The following CSMD1 variants were observed in gnomAD, a reference collection of about 807,000 sequenced individuals.
CSMD1 encodes CUB and sushi domain-containing protein 1.
A neutral mutation model predicts 417.5 loss-of-function variants in CSMD1; 213 were observed. The observed-to-expected ratio is 0.51, with a 90% CI of 0.46 to 0.57. The LOEUF (loss-of-function observed/expected upper bound fraction) is 0.57, where lower values mean the gene tolerates loss of function less well. CSMD1 is among the 20% of genes least tolerant of loss of function. CSMD1 has a pLI of 0.00. For missense variants in CSMD1, 6,923 were observed against 4,529.7 expected (o/e 1.53, Z -15.17); for synonymous variants, 2,862 against 1,736.8 (o/e 1.65, Z -16.11).
At chr8:4,663,048 G>A (rs962318953) in intron 1 of CSMD1, among the ~76,000 whole-genome samples, 1 of 152,174 alleles carries the variant, frequency 6.6e-6, no homozygotes, top group Non-Finnish European at 1.5e-5. Flanking sequence ...GCCCAGAGCT[G>A]ACTAACATGA....
intron 18 of CSMD1, among the ~76,000 whole-genome samples, chr8:3,382,541 A>ATATAAATATATATTTG: frequency 8.8e-6 from 1 of 113,200 alleles, no homozygotes; most frequent in Non-Finnish European, 1.8e-5. Flanking sequence ...ATATATATTT[A>ATATAAATATATATTTG]TTATTAGCAT....
intron 1 of CSMD1, among the ~76,000 whole-genome samples, chr8:4,673,318 G>C (rs564219406): frequency 3.9e-5 from 6 of 152,106 alleles, no homozygotes; most frequent in Admixed American, 2.0e-4. Context: ...AAGACCCAAA[G>C]ACTCCAGGGC....
intron 33 of CSMD1, among the ~76,000 whole-genome samples, chr8:3,197,011 C>T (rs1248742158): frequency 9.9e-5 from 15 of 152,180 alleles, no homozygotes; most frequent in Non-Finnish European, 2.9e-5. Flanking sequence ...TCATGCTTTC[C>T]AAATGTACCC....
intron 57 of CSMD1, among the ~76,000 whole-genome samples, chr8:2,969,452 A>C (rs1377745385): frequency 6.6e-6 from 1 of 152,244 alleles, no homozygotes; most frequent in Non-Finnish European, 1.5e-5. Context: ...AATTTGATTT[A>C]ATGTGAAGGA....
chr8:4,246,923 G>T (rs574412553), intron 3 of CSMD1, among the ~76,000 whole-genome samples: 45 of 152,256 alleles, frequency 3.0e-4, no homozygotes, highest in African/African-American at 1.0e-3. Flanking sequence ...AAAAATCTTT[G>T]TAAGAGAGAA....
intron 3 of CSMD1, among the ~76,000 whole-genome samples, chr8:4,124,453 C>A (rs148833279): frequency 6.6e-6 from 1 of 152,230 alleles, no homozygotes; most frequent in East Asian, 1.9e-4. Context: ...CACGAAGCTG[C>A]AGATGGCCAC....
rs925333805 is a variant in CSMD1 at position 3,522,946 on chromosome 8, T to C, written c.1345-29220A>G. On this transcript the variant is annotated intron_variant, in intron 10 of 69. Transcript: ENST00000635120. ...ATCAATATATTTATATATTGACAAA[T>C]ATTTAAACCTGTCTACTCATTTATC... Among the ~76,000 whole-genome samples the C allele has an allele frequency of 8.6e-5, 13 of 150,778 alleles. No homozygotes were observed. The East Asian group carries it at 1.4e-3, about 16-fold the overall frequency.
At position 2,963,383 on chromosome 8, in the gene CSMD1, G is replaced by C; in HGVS notation, c.9293C>G (p.Pro3098Arg). 6.2e-7 allele frequency: 1 copy of C among 1,613,866 alleles called. No homozygotes were observed. Among genetic ancestry groups the C allele is most frequent in the Non-Finnish European group, 8.5e-7 (1 of 1,179,816 alleles). ...SKPVCKAVLC[P>R]QPPPVQNGTV... ...TCCATTCTGCACCGGCGGCGGCTGA[G>C]GACACAGCACGGCTATTTCCAAAGA... The change falls in exon 60 of 70, where the codon CCT becomes CGT. Residue 3098 changes from proline (P) to arginine (R), a missense_variant. Coordinates refer to ENST00000635120, the MANE Select transcript of CSMD1 (RefSeq NM_033225.6).
intron 3 of CSMD1, among the ~76,000 whole-genome samples, chr8:4,152,252 G>A (rs1171138878): frequency 6.6e-6 from 1 of 152,130 alleles, no homozygotes; most frequent in African/African-American, 2.4e-5. Context: ...TCAAGAGAAT[G>A]CTCTATGATG....
intron 10 of CSMD1, among the ~76,000 whole-genome samples, chr8:3,559,810 G>C (rs75070654): frequency 2.0e-5 from 3 of 152,076 alleles, no homozygotes; most frequent in Non-Finnish European, 2.9e-5. Flanking sequence ...GAGACAAACA[G>C]CTATGAGGGA....
chr8:4,718,876 G>A (rs907746688), intron 1 of CSMD1, among the ~76,000 whole-genome samples: 2 of 151,920 alleles, frequency 1.3e-5, no homozygotes, highest in African/African-American at 4.8e-5. Flanking sequence ...GTAAATGAAT[G>A]AAAATACGTA....
chr8:4,901,711 A>G (rs1031125415), intron 1 of CSMD1, among the ~76,000 whole-genome samples: 2 of 152,208 alleles, frequency 1.3e-5, no homozygotes, highest in Non-Finnish European at 2.9e-5. Context: ...ATATTAGCAT[A>G]GAGCATAGAG....
At chr8:4,951,927 T>G (rs962592556) in intron 1 of CSMD1, among the ~76,000 whole-genome samples, 1 of 151,460 alleles carries the variant, frequency 6.6e-6, no homozygotes, top group Admixed American at 6.6e-5. Flanking sequence ...GAAAAAAAAA[T>G]TATTTTTTCC....
intron 1 of CSMD1, among the ~76,000 whole-genome samples, chr8:4,914,382 C>G (rs528766650): frequency 1.3e-5 from 2 of 152,132 alleles, no homozygotes; most frequent in African/African-American, 4.8e-5. Context: ...CGAGACCATC[C>G]TGGCTAACAC....
chr8:4,028,009 A>G lies in CSMD1; in HGVS notation c.610+3896T>C, dbSNP rs113066638. Among the ~76,000 whole-genome samples the G allele has an allele frequency of 1.6e-3, 238 of 152,348 alleles. 1 individual carries two copies. Among genetic ancestry groups the G allele is most frequent in the African/African-American group, 5.1e-3 (212 of 41,578 alleles). On this transcript the variant is annotated intron_variant, in intron 4 of 69. Transcript: ENST00000635120. ...TAAGTGAGATCAATTAATTGAGAACAGTCTGTGGAAAGCAGATGGGATACA... is the reference window on the plus strand; with the variant it reads ...TAAGTGAGATCAATTAATTGAGAACGGTCTGTGGAAAGCAGATGGGATACA...
intron 5 of CSMD1, among the ~76,000 whole-genome samples, chr8:3,918,680 G>A (rs1197986528): frequency 6.6e-6 from 1 of 152,058 alleles, no homozygotes; most frequent in African/African-American, 2.4e-5. Flanking sequence ...TTTATATGAT[G>A]GAATACTACT....
chr8:4,100,784 G>A (rs931748024), intron 3 of CSMD1, among the ~76,000 whole-genome samples: 1 of 152,128 alleles, frequency 6.6e-6, no homozygotes, highest in South Asian at 2.1e-4. Context: ...CTTACCTTTA[G>A]AGTATGGTGC....
rs374804495 is a variant in CSMD1 at position 3,998,126 on chromosome 8, C to G, written c.611-16G>C. On this transcript the variant is annotated splice_polypyrimidine_tract_variant and intron_variant, in intron 4 of 69. Coordinates refer to ENST00000635120, the MANE Select transcript of CSMD1 (RefSeq NM_033225.6). ...GCTCCCTCAGCTGCAGGGGCAAAAG[C>G]AGAAAGAAAGCATCACATTTCAGGA... The G allele has an allele frequency of 1.9e-4, 291 of 1,547,356 alleles. 4 individuals are homozygous for G. In the South Asian group the frequency reaches 2.9e-3, roughly 15 times the overall value.
intron 2 of CSMD1, among the ~76,000 whole-genome samples, chr8:4,615,118 A>C (rs1801401218): frequency 6.6e-6 from 1 of 152,204 alleles, no homozygotes; most frequent in Non-Finnish European, 1.5e-5. Flanking sequence ...TGCATGACAC[A>C]AAATAAGTGG....
Sources: allele counts gnomAD v4.1 joint callset (sites outside exome capture counted in the v4.1 genomes callset), GRCh38; gene constraint gnomAD v4.1.1; transcripts MANE v1.5; gene names NCBI Gene and HGNC (gene_info 2026-07-23, HGNC 2026-07-21).